COG6: variants seen among roughly 807,000 people sequenced by gnomAD.
COG6 encodes component of oligomeric golgi complex 6, also known as conserved oligomeric Golgi complex subunit 6.
In COG6, 74 loss-of-function variants were observed where a neutral mutation model predicts 88.8. The observed-to-expected ratio is 0.83, with a 90% CI of 0.69 to 1.01. COG6 has a LOEUF of 1.01. Ranked by LOEUF, COG6 falls within the 50% of genes least tolerant of loss-of-function variation. The pLI is 0.00. For missense variants in COG6, 800 were observed against 797.9 expected (o/e 1.00, Z -0.03); for synonymous variants, 286 against 278.7 (o/e 1.03, Z -0.26).
chr13:39,757,685 A>G (rs182594222), intron 18 of COG6, among the ~76,000 whole-genome samples: 2 of 152,288 alleles, frequency 1.3e-5, no homozygotes, highest in Admixed American at 1.3e-4. Context: ...GAAGTGGACA[A>G]ATGAAAAACA....
chr13:39,748,313 T>C (rs1168767788), intron 18 of COG6, among the ~76,000 whole-genome samples: 1 of 152,132 alleles, frequency 6.6e-6, no homozygotes, highest in Non-Finnish European at 1.5e-5. Context: ...CACTAATCAA[T>C]AGATCAAAAA....
chr13:39,656,524 C>T (rs1008995012), intron 1 of COG6, among the ~76,000 whole-genome samples: 1 of 151,592 alleles, frequency 6.6e-6, no homozygotes, highest in African/African-American at 2.4e-5. Flanking sequence ...TTAAGTTGGA[C>T]TTTACAGCTC....
At chr13:39,733,353 G>A (rs993226119) in intron 18 of COG6, among the ~76,000 whole-genome samples, 1 of 151,806 alleles carries the variant, frequency 6.6e-6, no homozygotes, top group Non-Finnish European at 1.5e-5. Context: ...AATGTGCCCG[G>A]CTAATTTTTG....
chr13:39,716,675 A>T (rs531092010), intron 13 of COG6, among the ~76,000 whole-genome samples: 2 of 152,084 alleles, frequency 1.3e-5, no homozygotes, highest in African/African-American at 4.8e-5. Flanking sequence ...AGGGTTAGTT[A>T]TATTTCCTGA....
chr13:39,726,582 A>G (rs554403000), intron 17 of COG6, among the ~76,000 whole-genome samples: 90 of 151,962 alleles, frequency 5.9e-4, no homozygotes, highest in Non-Finnish European at 1.2e-3. Flanking sequence ...CTTTGTATCT[A>G]TTATTGCAAT....
Position 39,751,625 on chromosome 13 carries a change from T to C in COG6, c.*532T>C. 1 of 1,287,094 alleles carries C rather than the reference T, an allele frequency of 7.8e-7. No individual in the cohort carries two copies. The highest frequency in any genetic ancestry group is 1.2e-5 in the South Asian group (1 of 80,924). The allele number at this position is 1,287,094 out of a possible 1,614,324, so 79.7% of individuals were successfully genotyped here. A position where few individuals can be genotyped will look rare whatever the true frequency, so the allele number is the denominator to read the frequency against. On this transcript the variant is annotated 3_prime_UTR_variant, in exon 19 of 19. Coordinates refer to ENST00000455146, the MANE Select transcript of COG6 (RefSeq NM_020751.3). ...TTGTTAGCAGAGAGAAAAATAACAG[T>C]GAATGTGCTCCTGGTGTATATGGCA...
At chr13:39,678,934 A>G (rs1566176018) in intron 5 of COG6, among the ~76,000 whole-genome samples, 4 of 151,894 alleles carry the variant, frequency 2.6e-5, no homozygotes, top group Non-Finnish European at 5.9e-5. Flanking sequence ...TATTATTATT[A>G]TTATTTTAAG....
chr13:39,682,136 A>AT (rs1876349673), intron 7 of COG6, 35 bp from the exon 8 acceptor site: 9 of 1,456,614 alleles, frequency 6.2e-6, no homozygotes, highest in Non-Finnish European at 8.7e-6. Flanking sequence ...TCTAAGCTGA[A>AT]TTTAACAAAA....
At chr13:39,683,543 T>C (rs1357665198) in intron 8 of COG6, among the ~76,000 whole-genome samples, 1 of 152,204 alleles carries the variant, frequency 6.6e-6, no homozygotes, top group Non-Finnish European at 1.5e-5. Flanking sequence ...GTTGTGCATA[T>C]ACATAAGATA....
chr13:39,672,502 A>G (rs1311796175), intron 4 of COG6, among the ~76,000 whole-genome samples: 1 of 152,160 alleles, frequency 6.6e-6, no homozygotes, highest in Non-Finnish European at 1.5e-5. Flanking sequence ...TGCAAATAAG[A>G]TCATACAGTA....
intron 13 of COG6, among the ~76,000 whole-genome samples, chr13:39,708,890 C>T (rs1878087871): frequency 2.0e-5 from 3 of 150,974 alleles, no homozygotes; most frequent in Admixed American, 2.0e-4. Flanking sequence ...AGTGTAGTTG[C>T]AGGTGGTTTT....
At chr13:39,734,186 A>G (rs1218659275) in intron 18 of COG6, among the ~76,000 whole-genome samples, 1 of 151,960 alleles carries the variant, frequency 6.6e-6, no homozygotes, top group African/African-American at 2.4e-5. Context: ...TTTAAAATGT[A>G]TCATTAGGTT....
chr13:39,759,037 A>G (rs895826428), intron 18 of COG6, among the ~76,000 whole-genome samples: 1 of 152,214 alleles, frequency 6.6e-6, no homozygotes, highest in Admixed American at 6.5e-5. Flanking sequence ...ACAGAGACAT[A>G]TAAGTAGATT....
intron 1 of COG6, 174 bp downstream of exon 1, chr13:39,656,053 G>C: frequency 2.4e-6 from 2 of 829,468 alleles, no homozygotes; most frequent in South Asian, 2.9e-5. Flanking sequence ...CGGTGAGAAG[G>C]GGGAGCCCCA....
intron 18 of COG6, among the ~76,000 whole-genome samples, chr13:39,767,409 G>A (rs949161819): frequency 2.7e-4 from 37 of 137,352 alleles, no homozygotes; most frequent in African/African-American, 8.8e-4. Flanking sequence ...CAGAAATTAC[G>A]GATTTTTTTC....
chr13:39,736,520 C>T (rs1042986838), intron 18 of COG6, among the ~76,000 whole-genome samples: 3 of 152,034 alleles, frequency 2.0e-5, no homozygotes, highest in African/African-American at 7.2e-5. Context: ...TGGAGAAACC[C>T]TGTCTCTATA....
At chr13:39,658,403 A>C (rs1382821718) in intron 1 of COG6, among the ~76,000 whole-genome samples, 2 of 152,080 alleles carry the variant, frequency 1.3e-5, no homozygotes, top group East Asian at 3.9e-4. Context: ...TTGACCTCCC[A>C]AACTGCTGGG....
intron 15 of COG6, among the ~76,000 whole-genome samples, chr13:39,721,161 T>A (rs1352426998): frequency 1.3e-5 from 2 of 152,118 alleles, no homozygotes; most frequent in Non-Finnish European, 2.9e-5. Flanking sequence ...TCTTAAGATG[T>A]TAAGATATGT....
intron 13 of COG6, among the ~76,000 whole-genome samples, chr13:39,703,183 A>G (rs1295558223): frequency 6.6e-6 from 1 of 151,958 alleles, no homozygotes; most frequent in Non-Finnish European, 1.5e-5. Context: ...CATTTACCTC[A>G]CTTATTTTCA....
Sources: allele counts gnomAD v4.1 joint callset (sites outside exome capture counted in the v4.1 genomes callset), GRCh38; gene constraint gnomAD v4.1.1; transcripts MANE v1.5; gene names NCBI Gene and HGNC (gene_info 2026-07-23, HGNC 2026-07-21).